STK33: variants seen among roughly 807,000 people sequenced by gnomAD.
STK33 encodes serine/threonine-protein kinase 33.
A neutral mutation model predicts 58.0 loss-of-function variants in STK33; 52 were observed. The ratio of observed to expected loss-of-function variants is 0.90; its 90% confidence interval spans 0.72 to 1.13. STK33 has a LOEUF of 1.13. STK33 is among the 50% of genes most tolerant of loss of function. STK33 has a pLI of 0.00. For synonymous variants in STK33, 215 were observed against 200.1 expected, an observed-to-expected ratio of 1.07 and a Z score of -0.63; for missense variants, 630 against 604.2, an observed-to-expected ratio of 1.04 and a Z score of -0.45.
chr11:8,578,627 T>C (rs1012882030), intron 1 of STK33, among the ~76,000 whole-genome samples: 1 of 151,808 alleles, frequency 6.6e-6, no homozygotes, highest in Non-Finnish European at 1.5e-5. Context: ...CACACATCTC[T>C]GAAAGCATAC....
chr11:8,561,793 T>C (rs1957130364), intron 1 of STK33, among the ~76,000 whole-genome samples: 1 of 152,236 alleles, frequency 6.6e-6, no homozygotes, highest in South Asian at 2.1e-4. Context: ...CAGTACCTCA[T>C]ATAACTTTAG....
At chr11:8,506,567 A>ATT (rs537038201) in intron 1 of STK33, among the ~76,000 whole-genome samples, 1 of 152,044 alleles carries the variant, frequency 6.6e-6, no homozygotes, top group Non-Finnish European at 1.5e-5. Context: ...AGGTTCTCCG[A>ATT]TTTTTTTAAG....
At chr11:8,464,444 A>G (rs1408702787) in intron 7 of STK33, among the ~76,000 whole-genome samples, 1 of 152,172 alleles carries the variant, frequency 6.6e-6, no homozygotes, top group Non-Finnish European at 1.5e-5. Flanking sequence ...ATCTTCAGCA[A>G]ACTCTGGTAA....
intron 1 of STK33, among the ~76,000 whole-genome samples, chr11:8,570,031 T>TA (rs1240951463): frequency 6.6e-6 from 1 of 151,676 alleles, no homozygotes; most frequent in African/African-American, 2.4e-5. Flanking sequence ...TACATATATC[T>TA]AAAAAAAACT....
At chr11:8,585,670 G>A (rs2031446858) in intron 1 of STK33, among the ~76,000 whole-genome samples, 1 of 152,050 alleles carries the variant, frequency 6.6e-6, no homozygotes, top group African/African-American at 2.4e-5. Flanking sequence ...AGCACTTTGG[G>A]AGGCTGAGGC....
chr11:8,460,147 T>C (rs924282387), intron 8 of STK33, among the ~76,000 whole-genome samples: 1 of 152,156 alleles, frequency 6.6e-6, no homozygotes, highest in Non-Finnish European at 1.5e-5. Context: ...AATATTAAAA[T>C]ATCTAGCATC....
At chr11:8,468,575 G>A (rs1948458567) in intron 6 of STK33, among the ~76,000 whole-genome samples, 3 of 151,742 alleles carry the variant, frequency 2.0e-5, no homozygotes, top group South Asian at 4.2e-4. Flanking sequence ...CAATATTATT[G>A]CTTTTTTGTT....
chr11:8,565,538 G>T (rs1957392407), intron 1 of STK33, among the ~76,000 whole-genome samples: 1 of 152,178 alleles, frequency 6.6e-6, no homozygotes. Context: ...GCAAGTTATT[G>T]AAACTCATTC....
At chr11:8,382,154 C>T in the STK33 span, among the ~76,000 whole-genome samples, 1 of 152,198 alleles carries the variant, frequency 6.6e-6, no homozygotes, top group African/African-American at 2.4e-5. Context: ...AAGGGACATC[C>T]TGCAGCGAGG....
the STK33 span, among the ~76,000 whole-genome samples, chr11:8,353,674 G>C: frequency 6.6e-6 from 1 of 152,112 alleles, no homozygotes; most frequent in Non-Finnish European, 1.5e-5. Context: ...TTGTTTTTCG[G>C]CTGTCTCAAA....
At chr11:8,365,336 C>A in the STK33 span, among the ~76,000 whole-genome samples, 1 of 152,170 alleles carries the variant, frequency 6.6e-6, no homozygotes, top group South Asian at 2.1e-4. Context: ...TGACGGGGAC[C>A]TTCCCTCCCT....
intron 15 of STK33, among the ~76,000 whole-genome samples, chr11:8,404,226 C>T (rs984255578): frequency 5.3e-5 from 8 of 152,212 alleles, no homozygotes; most frequent in Non-Finnish European, 7.3e-5. Context: ...GTGGAGTCAA[C>T]AGAAATGAAA....
chr11:8,521,856 G>T (rs1047931130), intron 1 of STK33, among the ~76,000 whole-genome samples: 3 of 152,166 alleles, frequency 2.0e-5, no homozygotes, highest in Admixed American at 2.0e-4. Flanking sequence ...CATTTATGCA[G>T]CCAATAGACA....
intron 4 of STK33, chr11:8,475,721 G>C (rs1005178513): frequency 6.6e-6 from 1 of 152,126 alleles, no homozygotes; most frequent in Non-Finnish European, 1.5e-5. Flanking sequence ...GCAGCTGCAT[G>C]GTGGCAAGTT....
At chr11:8,593,500 G>T (rs973556297) in intron 1 of STK33, among the ~76,000 whole-genome samples, 1 of 152,186 alleles carries the variant, frequency 6.6e-6, no homozygotes, top group Non-Finnish European at 1.5e-5. Context: ...GACCTTGTGA[G>T]AAATTATAAT....
rs1365065019 is a variant in STK33, at chr11:8,413,670, C to T, written c.1169G>A (p.Arg390Lys). The T allele has an allele frequency of 1.2e-6, 2 of 1,613,636 alleles. No homozygotes were observed. Among genetic ancestry groups the T allele is most frequent in the Non-Finnish European group, 1.7e-6 (2 of 1,179,902 alleles). ...CATCATCTCTAATACATTGGTTGGT[C>T]TCACCGAAGAAAGTTTATTGCCCTA... ...WLTGNKLSSVRPTNVLEMMKE... is the reference protein window; with the variant it reads ...WLTGNKLSSVKPTNVLEMMKE... Residue 390 changes from arginine to lysine, a missense_variant, in exon 15 of 16, where the codon AGA becomes AAA. Coordinates refer to ENST00000687296, the MANE Select transcript of STK33 (RefSeq NM_001352389.2).
chr11:8,426,783 A>G (rs1942823402), intron 14 of STK33, among the ~76,000 whole-genome samples: 1 of 152,060 alleles, frequency 6.6e-6, no homozygotes, highest in Non-Finnish European at 1.5e-5. Context: ...GTTAAGTTAG[A>G]TATCATTAAT....
intron 1 of STK33, among the ~76,000 whole-genome samples, chr11:8,537,335 C>T (rs985097957): frequency 1.3e-5 from 2 of 152,040 alleles, no homozygotes; most frequent in Non-Finnish European, 1.5e-5. Context: ...AGTGATCCTC[C>T]CACCTCAGCC....
the STK33 span, among the ~76,000 whole-genome samples, chr11:8,337,626 G>A: frequency 1.6e-5 from 2 of 126,076 alleles, no homozygotes; most frequent in Non-Finnish European, 3.3e-5. Flanking sequence ...GGCAGAGGGA[G>A]CTTGACGACG....
Sources: gnomAD v4.1 joint callset for allele counts (sites outside exome capture counted in the v4.1 genomes callset) on GRCh38, gnomAD v4.1.1 for gene constraint, MANE v1.5 for transcripts, NCBI Gene and HGNC (gene_info 2026-07-23, HGNC 2026-07-21) for gene names.